UNC13C: variants seen among roughly 807,000 people sequenced by gnomAD.
UNC13C encodes the protein unc-13 homolog C.
Under a neutral mutation model 245.4 loss-of-function variants are expected in UNC13C, and 174 were observed. That is an observed-to-expected ratio of 0.71 (90% confidence interval 0.63 to 0.80). The LOEUF (loss-of-function observed/expected upper bound fraction) is 0.80. Ranked by LOEUF, UNC13C falls within the 30% of genes least tolerant of loss-of-function variation. The probability of loss-of-function intolerance (pLI) is 0.00; values close to 1 mark genes in which losing one functional copy is unlikely to be tolerated. For missense variants in UNC13C, 2,829 were observed against 2,602.9 expected (o/e 1.09, Z -1.89); for synonymous variants, 992 against 895.1 (o/e 1.11, Z -1.93).
intron 14 of UNC13C, among the ~76,000 whole-genome samples, chr15:54,329,081 G>GTTTGTTTTT (rs2038370726): frequency 8.2e-6 from 1 of 121,628 alleles, no homozygotes; most frequent in African/African-American, 3.2e-5. Flanking sequence ...ATTAAACCAA[G>GTTTGTTTTT]TTTTTTTTTT....
intron 19 of UNC13C, among the ~76,000 whole-genome samples, chr15:54,481,289 C>T (rs1200512729): frequency 6.6e-6 from 1 of 152,058 alleles, no homozygotes; most frequent in Admixed American, 6.5e-5. Flanking sequence ...GTGAGCCAAC[C>T]CTCAGGCCCA....
chr15:54,407,329 T>A, intron 18 of UNC13C, among the ~76,000 whole-genome samples: 1 of 152,040 alleles, frequency 6.6e-6, no homozygotes, highest in East Asian at 1.9e-4. Context: ...AAGAAAAAAT[T>A]CCCAGGAGGG....
intron 2 of UNC13C, chr15:54,049,800 A>G (rs141970014): frequency 7.5e-5 from 19 of 253,828 alleles, no homozygotes; most frequent in Middle Eastern, 5.4e-4. Context: ...AGCCCAGGCA[A>G]CTAAAGTAAT....
intron 2 of UNC13C, among the ~76,000 whole-genome samples, chr15:54,134,610 C>G (rs2031634378): frequency 6.6e-6 from 1 of 152,046 alleles, no homozygotes; most frequent in Non-Finnish European, 1.5e-5. Context: ...AGCTCCGCCC[C>G]CAGGGTTCAC....
chr15:54,274,148 G>T (rs1325476043), intron 10 of UNC13C, among the ~76,000 whole-genome samples: 5 of 152,158 alleles, frequency 3.3e-5, no homozygotes, highest in African/African-American at 1.2e-4. Context: ...TCCTAGGGAG[G>T]TAGGGGAGAA....
intron 18 of UNC13C, among the ~76,000 whole-genome samples, chr15:54,411,597 C>G (rs1458162312): frequency 6.6e-6 from 1 of 150,764 alleles, no homozygotes; most frequent in African/African-American, 2.4e-5. Flanking sequence ...GTTGAAAAGA[C>G]TGTCCTTTCT....
intron 17 of UNC13C, among the ~76,000 whole-genome samples, chr15:54,363,697 A>G (rs1012132173): frequency 4.6e-5 from 7 of 152,198 alleles, no homozygotes; most frequent in African/African-American, 1.7e-4. Context: ...GGGAGCAAGT[A>G]GAACAGCTAT....
At chr15:54,502,442 A>C (rs1422969797) in intron 22 of UNC13C, among the ~76,000 whole-genome samples, 2 of 152,178 alleles carry the variant, frequency 1.3e-5, no homozygotes, top group East Asian at 3.8e-4. Context: ...CTACTTTTAA[A>C]ATATTAAATA....
chr15:53,880,612 G>A, the UNC13C span, among the ~76,000 whole-genome samples: 1 of 151,964 alleles, frequency 6.6e-6, no homozygotes. Context: ...GGATAACCCA[G>A]TCTGCTCTTA....
intron 30 of UNC13C, among the ~76,000 whole-genome samples, chr15:54,595,309 T>G (rs773467017): frequency 2.6e-5 from 4 of 151,974 alleles, no homozygotes; most frequent in Non-Finnish European, 5.9e-5. Context: ...ACCCATGGCT[T>G]CCCATGGGTG....
At chr15:54,632,514 G>A (rs1450678624), downstream of UNC13C, 1 of 152,148 alleles carries the variant, frequency 6.6e-6, no homozygotes, top group African/African-American at 2.4e-5. Flanking sequence ...AATAGAGGGT[G>A]TAAAGTTTGA....
chr15:54,483,868 G>C (rs1311023964), intron 19 of UNC13C, among the ~76,000 whole-genome samples: 1 of 152,092 alleles, frequency 6.6e-6, no homozygotes, highest in Non-Finnish European at 1.5e-5. Flanking sequence ...GCATTTCTTT[G>C]TCTCCCTCTC....
chr15:53,863,823 G>A, the UNC13C span, among the ~76,000 whole-genome samples: 18 of 152,044 alleles, frequency 1.2e-4, no homozygotes, highest in Non-Finnish European at 2.5e-4. Context: ...TTCCAGCATC[G>A]ACTTCTCTTT....
intron 13 of UNC13C, among the ~76,000 whole-genome samples, chr15:54,307,642 T>C (rs1431622272): frequency 1.3e-5 from 2 of 151,864 alleles, no homozygotes; most frequent in Admixed American, 1.3e-4. Context: ...CAAGCACAGA[T>C]GAGAAGTGTC....
chr15:54,055,542 T>C (rs896196592), intron 2 of UNC13C, among the ~76,000 whole-genome samples: 9 of 152,220 alleles, frequency 5.9e-5, no homozygotes, highest in African/African-American at 1.9e-4. Context: ...TGAGGGATTT[T>C]AGTTTGTAGC....
chr15:53,919,181 G>A, the UNC13C span, among the ~76,000 whole-genome samples: 3 of 152,144 alleles, frequency 2.0e-5, no homozygotes, highest in Admixed American at 2.0e-4. Flanking sequence ...CCTACTAGCT[G>A]TGTGAGCTTG....
chr15:54,321,511 G>A (rs531759307), intron 13 of UNC13C: 1 of 475,016 alleles, frequency 2.1e-6, no homozygotes, highest in Non-Finnish European at 4.2e-6. Context: ...CAAACCCAAA[G>A]CCCCTGGAGT....
chr15:54,288,985 G>C (rs953317688), intron 10 of UNC13C, among the ~76,000 whole-genome samples: 2 of 151,946 alleles, frequency 1.3e-5, no homozygotes. Flanking sequence ...ATTTTGACTC[G>C]AAGACCTCTT....
chr15:54,390,010 T>G (rs28736595), intron 17 of UNC13C, among the ~76,000 whole-genome samples: 1 of 151,902 alleles, frequency 6.6e-6, no homozygotes, highest in Admixed American at 6.6e-5. Context: ...ATTACAGGCA[T>G]GAGCCACTGC....
Sources: gnomAD v4.1 joint callset for allele counts (sites outside exome capture counted in the v4.1 genomes callset) on GRCh38, gnomAD v4.1.1 for gene constraint, MANE v1.5 for transcripts, NCBI Gene and HGNC (gene_info 2026-07-23, HGNC 2026-07-21) for gene names.